Variants in IFT74 observed in about 807,000 individuals in gnomAD.
The protein encoded by IFT74 is intraflagellar transport 74.
In IFT74, 92 loss-of-function variants were observed where a neutral mutation model predicts 96.7. That is an observed-to-expected ratio of 0.95 (90% CI 0.80 to 1.13). IFT74 has a LOEUF of 1.13. Ranked by LOEUF, IFT74 falls within the 50% of genes most tolerant of loss-of-function variation. The probability of loss-of-function intolerance (pLI) is 0.00; values close to 1 mark genes in which losing one functional copy is unlikely to be tolerated. For missense variants in IFT74, 811 were observed against 698.2 expected, an observed-to-expected ratio of 1.16 and a Z score of -1.82; for synonymous variants, 223 against 213.2, an observed-to-expected ratio of 1.05 and a Z score of -0.40.
At chr9:26,960,137 C>T (rs539118960) in intron 1 of IFT74, among the ~76,000 whole-genome samples, 46 of 152,228 alleles carry the variant, frequency 3.0e-4, no homozygotes, top group African/African-American at 9.9e-4. Flanking sequence ...GAATTTCCAA[C>T]GTAAATGGCA....
chr9:27,038,634 T>C (rs1471721366), intron 13 of IFT74, among the ~76,000 whole-genome samples: 2 of 152,144 alleles, frequency 1.3e-5, no homozygotes, highest in Non-Finnish European at 2.9e-5. Flanking sequence ...TCTGACATGA[T>C]CAAGGGTGAC....
intron 8 of IFT74, among the ~76,000 whole-genome samples, chr9:27,005,115 T>G (rs1828699837): frequency 6.6e-6 from 1 of 152,188 alleles, no homozygotes; most frequent in South Asian, 2.1e-4. Flanking sequence ...GTTTCCTTAT[T>G]TAACTATTGT....
At chr9:27,033,998 A>G (rs1830245813) in intron 13 of IFT74, among the ~76,000 whole-genome samples, 1 of 152,256 alleles carries the variant, frequency 6.6e-6, no homozygotes, top group Admixed American at 6.5e-5. Context: ...TTGTAGTACC[A>G]CCGCGATCCA....
rs954742741 is a variant in IFT74, at chr9:27,041,808, C to T, written c.1055-2934C>T. Reference sequence around the variant, plus strand: ...AGATACTAATCCTCCACTGAGAAATCACCAAATAGAGAAGTTCACTAATGC... The same window carrying T: ...AGATACTAATCCTCCACTGAGAAATTACCAAATAGAGAAGTTCACTAATGC... On this transcript the variant is annotated intron_variant, in intron 13 of 19. Coordinates refer to ENST00000380062, the MANE Select transcript of IFT74 (RefSeq NM_025103.4). Among the ~76,000 whole-genome samples the T allele has an allele frequency of 4.6e-5, 7 of 152,280 alleles. No homozygotes were observed. The East Asian group carries it at 1.4e-3, about 29-fold the overall frequency.
chr9:27,062,801 T>C lies in IFT74; in HGVS notation c.*65T>C. 1 of 807,128 alleles carries C rather than the reference T, an allele frequency of 1.2e-6. No individual in the cohort carries two copies. Among genetic ancestry groups the C allele is most frequent in the Non-Finnish European group, 2.0e-6 (1 of 507,050 alleles). The allele number at this position is 807,128 out of a possible 1,614,324, so 50.0% of individuals were successfully genotyped here. A position where few individuals can be genotyped will look rare whatever the true frequency, so the allele number is the denominator to read the frequency against. On this transcript the variant is annotated 3_prime_UTR_variant, in exon 20 of 20. Coordinates refer to ENST00000380062, the MANE Select transcript of IFT74 (RefSeq NM_025103.4). The stretch of plus-strand genomic sequence containing the variant: ...GCTGCTAAACTTGGTACAAGTTGAC[T>C]ACCAAAAAAAAAAAAAGCTTACTTT...
At chr9:27,062,350 C>T (rs1197783239) in intron 19 of IFT74, among the ~76,000 whole-genome samples, 2 of 151,992 alleles carry the variant, frequency 1.3e-5, no homozygotes, top group Non-Finnish European at 2.9e-5. Flanking sequence ...TTAGATTGTT[C>T]TAAGACCAGA....
chr9:27,038,373 A>ACGC (rs1819301367), intron 13 of IFT74, among the ~76,000 whole-genome samples: 1 of 152,026 alleles, frequency 6.6e-6, no homozygotes, highest in East Asian at 1.9e-4. Context: ...AGCAGTTCTC[A>ACGC]CGCCTCAGCC....
intron 2 of IFT74, among the ~76,000 whole-genome samples, chr9:26,977,170 G>C (rs1179845286): frequency 6.6e-6 from 1 of 151,972 alleles, no homozygotes; most frequent in Admixed American, 6.6e-5. Context: ...TTAAAAGACG[G>C]TCTCTCTATG....
rs1827802979 is a variant in IFT74 at position 26,990,169 on chromosome 9, G to A, written c.561G>A (p.Leu187=). 6.8e-7 allele frequency: 1 copy of A among 1,480,804 alleles called. No homozygotes were observed. The highest frequency in any genetic ancestry group is 1.5e-5 in the South Asian group (1 of 65,114). The allele number at this position is 1,480,804 out of a possible 1,614,324, so 91.7% of individuals were successfully genotyped here. Residue 187 remains leucine (L), a synonymous_variant, in exon 8 of 20, where the codon TTG becomes TTA. Transcript: ENST00000380062. ...KAQNDRETQS[L]DVIFTERQAK... ...AAAATGATCGAGAAACACAAAGTTT[G>A]GATGTCATATTTACTGAAAGACAAG...
intron 2 of IFT74, among the ~76,000 whole-genome samples, chr9:26,963,916 G>C (rs28893251): frequency 0.012 from 1,793 of 152,050 alleles, 28 homozygotes; most frequent in African/African-American, 0.039. Flanking sequence ...TGTAGGTTGC[G>C]TGTTCACTCT....
chr9:26,999,034 G>C (rs994260733), intron 8 of IFT74, among the ~76,000 whole-genome samples: 2 of 151,976 alleles, frequency 1.3e-5, no homozygotes, highest in African/African-American at 4.8e-5. Flanking sequence ...TAAACTCTCT[G>C]GTTTAACTCT....
intron 18 of IFT74, 60 bp downstream of exon 18, chr9:27,056,519 A>C: frequency 7.0e-7 from 1 of 1,436,198 alleles, no homozygotes; most frequent in Non-Finnish European, 9.4e-7. Context: ...CCCCAAAACA[A>C]TCAATTTTTT....
At chr9:27,015,977 A>G (rs988706437) in intron 10 of IFT74, among the ~76,000 whole-genome samples, 1 of 152,104 alleles carries the variant, frequency 6.6e-6, no homozygotes, top group South Asian at 2.1e-4. Context: ...TTTTTGTCAC[A>G]TCCTTATTTT....
rs749126503 is a variant in IFT74, at chr9:27,064,543, T to A, written c.*1807T>A. Reference sequence around the variant, plus strand: ...ATACCCGACTGCTGAAAAACATTCATCTTTTATACAGTAACAAACAGAGGT... The same window carrying A: ...ATACCCGACTGCTGAAAAACATTCAACTTTTATACAGTAACAAACAGAGGT... On this transcript the variant is annotated 3_prime_UTR_variant, in exon 20 of 20. Transcript: ENST00000380062. Among the ~76,000 whole-genome samples the A allele has an allele frequency of 6.6e-6, 1 of 152,094 alleles. No individual in the cohort carries two copies. Among genetic ancestry groups the A allele is most frequent in the Non-Finnish European group, 1.5e-5 (1 of 67,972 alleles).
chr9:27,029,062 G>A lies in IFT74; in HGVS notation c.1012G>A (p.Glu338Lys), dbSNP rs1229059378. 1.2e-6 allele frequency: 2 copies of A among 1,601,506 alleles called. No homozygotes were observed. Among genetic ancestry groups the A allele is most frequent in the Non-Finnish European group, 1.7e-6 (2 of 1,174,034 alleles). Residue 338 changes from glutamate (E) to lysine (K), a missense_variant, in exon 13 of 20, where the codon GAA (glutamate) becomes AAA (lysine). Coordinates refer to ENST00000380062, the MANE Select transcript of IFT74 (RefSeq NM_025103.4). ...DTKEKINQFI[E>K]EIRQLDMDLE... ...AAAAGAAAAGATAAATCAGTTTATTGAAGAAATTAGACAACTTGACATGGA... is the reference window on the plus strand; with the variant it reads ...AAAAGAAAAGATAAATCAGTTTATTAAAGAAATTAGACAACTTGACATGGA...
intron 18 of IFT74, among the ~76,000 whole-genome samples, chr9:27,057,106 C>A (rs1012941781): frequency 6.6e-6 from 1 of 151,948 alleles, no homozygotes; most frequent in African/African-American, 2.4e-5. Context: ...GCATGGATGT[C>A]GCATAATATA....
chr9:27,053,221 GA>G (rs1332796624), intron 16 of IFT74, among the ~76,000 whole-genome samples: 1 of 119,112 alleles, frequency 8.4e-6, no homozygotes, highest in Non-Finnish European at 1.6e-5. Context: ...GAAGGGTGAA[GA>G]AAACTTAGAT....
At chr9:26,973,049 T>A (rs1438724303) in intron 2 of IFT74, among the ~76,000 whole-genome samples, 1 of 152,222 alleles carries the variant, frequency 6.6e-6, no homozygotes, top group Non-Finnish European at 1.5e-5. Flanking sequence ...GGTAAGACTG[T>A]CCATCAATAT....
At chr9:26,971,308 T>A (rs1489706452) in intron 2 of IFT74, among the ~76,000 whole-genome samples, 1 of 152,128 alleles carries the variant, frequency 6.6e-6, no homozygotes, top group Non-Finnish European at 1.5e-5. Context: ...TAGTTTTTTT[T>A]ATATATTAAG....
Sources: allele counts gnomAD v4.1 joint callset (sites outside exome capture counted in the v4.1 genomes callset), GRCh38; gene constraint gnomAD v4.1.1; transcripts MANE v1.5; gene names NCBI Gene and HGNC (gene_info 2026-07-23, HGNC 2026-07-21).